Variants in CCDC102B observed in about 807,000 individuals in gnomAD.
CCDC102B encodes the protein coiled-coil domain containing 102B.
CCDC102B carries 75 observed loss-of-function variants against 57.4 expected under a neutral mutation model. That is an observed-to-expected ratio of 1.31 (90% CI 1.08 to 1.58). CCDC102B has a LOEUF of 1.58. CCDC102B is among the 40% of genes most tolerant of loss of function. CCDC102B has a pLI of 0.00. For synonymous variants in CCDC102B, 206 were observed against 201.9 expected, an observed-to-expected ratio of 1.02 and a Z score of -0.17; for missense variants, 636 against 582.6, an observed-to-expected ratio of 1.09 and a Z score of -0.94.
intron 5 of CCDC102B, 124 bp from the exon 6 acceptor site, chr18:68,897,095 T>C (rs2145015641): frequency 2.9e-6 from 2 of 686,798 alleles, no homozygotes; most frequent in South Asian, 4.4e-5. Context: ...TAGAATTTTC[T>C]TTTTAAAATT....
At chr18:68,975,394 T>C (rs1313233610) in intron 6 of CCDC102B, among the ~76,000 whole-genome samples, 3 of 152,072 alleles carry the variant, frequency 2.0e-5, no homozygotes, top group African/African-American at 7.2e-5. Flanking sequence ...ATGTGAACTT[T>C]CATTCTATAT....
At chr18:69,018,570 T>C (rs2051735985) in intron 7 of CCDC102B, among the ~76,000 whole-genome samples, 1 of 152,166 alleles carries the variant, frequency 6.6e-6, no homozygotes, top group African/African-American at 2.4e-5. Flanking sequence ...CTGTTTATAT[T>C]AGTTAGATGC....
intron 6 of CCDC102B, among the ~76,000 whole-genome samples, chr18:68,904,199 G>A (rs976746027): frequency 1.3e-5 from 2 of 152,072 alleles, no homozygotes. Flanking sequence ...TTCTATAGCT[G>A]AAATACCCTA....
At chr18:68,747,409 T>C (rs899294950) in intron 2 of CCDC102B, among the ~76,000 whole-genome samples, 2 of 152,154 alleles carry the variant, frequency 1.3e-5, no homozygotes, top group Non-Finnish European at 2.9e-5. Flanking sequence ...CTTTTAATTT[T>C]AAAGTGCATA....
intron 4 of CCDC102B, among the ~76,000 whole-genome samples, chr18:68,850,749 T>C (rs889269615): frequency 1.3e-5 from 2 of 152,114 alleles, no homozygotes; most frequent in African/African-American, 4.8e-5. Flanking sequence ...ACAGTGGCTT[T>C]CATTCATTTA....
chr18:68,736,744 A>G (rs1272249450), intron 2 of CCDC102B, among the ~76,000 whole-genome samples: 1 of 152,124 alleles, frequency 6.6e-6, no homozygotes, highest in Non-Finnish European at 1.5e-5. Context: ...CTATCACTAG[A>G]ATAGCACGGG....
chr18:68,977,988 C>T (rs893326022), intron 6 of CCDC102B, among the ~76,000 whole-genome samples: 3 of 151,976 alleles, frequency 2.0e-5, no homozygotes, highest in African/African-American at 7.2e-5. Flanking sequence ...CTACTCCCTA[C>T]CTGTGACGTA....
chr18:68,854,735 C>G (rs998663639), intron 4 of CCDC102B, among the ~76,000 whole-genome samples: 6 of 152,006 alleles, frequency 3.9e-5, no homozygotes, highest in African/African-American at 1.5e-4. Context: ...GGATCTGACT[C>G]TTAGTAAGAA....
At chr18:68,758,695 A>C (rs2034140991) in intron 2 of CCDC102B, among the ~76,000 whole-genome samples, 1 of 150,390 alleles carries the variant, frequency 6.6e-6, no homozygotes, top group African/African-American at 2.5e-5. Context: ...TTTTAAAACT[A>C]GTCATTCCTT....
chr18:68,806,617 G>A (rs931855641), intron 1 of CCDC102B, among the ~76,000 whole-genome samples: 7 of 151,976 alleles, frequency 4.6e-5, no homozygotes, highest in Admixed American at 2.6e-4. Flanking sequence ...ATTCTCTGTG[G>A]AAAAAGAGAA....
chr18:68,888,048 C>T (rs960108469), intron 5 of CCDC102B, among the ~76,000 whole-genome samples: 1 of 151,962 alleles, frequency 6.6e-6, no homozygotes, highest in Non-Finnish European at 1.5e-5. Flanking sequence ...ATGAATGTCA[C>T]TTGTGTTGAA....
Position 68,897,324 on chromosome 18 carries a change from G to C in CCDC102B, c.1159G>C (p.Val387Leu). 6.2e-7 allele frequency: 1 copy of C among 1,613,132 alleles called. No homozygotes were observed. Among genetic ancestry groups the C allele is most frequent in the Admixed American group, 1.7e-5 (1 of 59,928 alleles). ...ERENRRLKIQ[V>L]KEMEELLDKK... ...AGAAAATAGAAGGCTGAAGATCCAG[G>C]TGAAAGAAATGGAAGAGCTTTTGGA... The change falls in exon 6 of 8, where the codon GTG (valine) becomes CTG (leucine). Residue 387 changes from valine (V) to leucine (L), a missense_variant. Coordinates refer to ENST00000360242, the MANE Select transcript of CCDC102B (RefSeq NM_024781.3).
intron 4 of CCDC102B, among the ~76,000 whole-genome samples, chr18:68,861,736 G>A (rs574532081): frequency 1.4e-4 from 22 of 152,236 alleles, no homozygotes; most frequent in African/African-American, 5.3e-4. Context: ...CCACCCTACC[G>A]AATACTCTGT....
chr18:68,849,492 A>G (rs138560360), intron 4 of CCDC102B, among the ~76,000 whole-genome samples: 116 of 152,206 alleles, frequency 7.6e-4, no homozygotes, highest in Non-Finnish European at 1.1e-3. Context: ...GGACAGGGCC[A>G]CTATCATCTC....
chr18:68,880,081 A>G (rs1350375041), intron 5 of CCDC102B, among the ~76,000 whole-genome samples: 6 of 151,890 alleles, frequency 4.0e-5, no homozygotes, highest in Non-Finnish European at 8.8e-5. Context: ...GCCCCACGGG[A>G]GCCCATGGAG....
chr18:68,894,377 A>G (rs2040174688), intron 5 of CCDC102B, among the ~76,000 whole-genome samples: 1 of 152,058 alleles, frequency 6.6e-6, no homozygotes, highest in Non-Finnish European at 1.5e-5. Flanking sequence ...TTTCTGCATT[A>G]TCTGAAATTC....
intron 7 of CCDC102B, among the ~76,000 whole-genome samples, chr18:69,014,724 A>G (rs972357437): frequency 6.7e-6 from 1 of 149,448 alleles, no homozygotes; most frequent in Non-Finnish European, 1.5e-5. Flanking sequence ...GTGTGTGTGT[A>G]TTCTAAATTT....
At chr18:68,897,106 G>T (rs897139441) in intron 5 of CCDC102B, 113 bp from the exon 6 acceptor site, 1 of 728,242 alleles carries the variant, frequency 1.4e-6, no homozygotes, top group Non-Finnish European at 2.3e-6. Flanking sequence ...TTTTAAAATT[G>T]TATCAGTGGA....
chr18:69,031,192 A>G (rs1326156083), intron 7 of CCDC102B, among the ~76,000 whole-genome samples: 1 of 152,214 alleles, frequency 6.6e-6, no homozygotes, highest in African/African-American at 2.4e-5. Flanking sequence ...TTTATATTGT[A>G]GAAGAAATCA....
Sources: gnomAD v4.1 joint callset for allele counts (sites outside exome capture counted in the v4.1 genomes callset) on GRCh38, gnomAD v4.1.1 for gene constraint, MANE v1.5 for transcripts, NCBI Gene and HGNC (gene_info 2026-07-23, HGNC 2026-07-21) for gene names.